The following GRID1 variants were observed in gnomAD, a reference collection of about 807,000 sequenced individuals.
GRID1 encodes the protein glutamate receptor ionotropic, delta-1.
A neutral mutation model predicts 98.0 loss-of-function variants in GRID1; 28 were observed. That is an observed-to-expected ratio of 0.29 (90% CI 0.21 to 0.39). The LOEUF (loss-of-function observed/expected upper bound fraction) is 0.39, where lower values mean the gene tolerates loss of function less well. Ranked by LOEUF, GRID1 falls within the 10% of genes least tolerant of loss-of-function variation. The probability of loss-of-function intolerance (pLI) is 1.00; values close to 1 mark genes in which losing one functional copy is unlikely to be tolerated. For synonymous variants in GRID1, 553 were observed against 538.5 expected (o/e 1.03, Z -0.37); for missense variants, 1,111 against 1,340.5 (o/e 0.83, Z 2.67).
chr10:85,797,639 T>C (rs1194882905), intron 8 of GRID1, among the ~76,000 whole-genome samples: 3 of 145,082 alleles, frequency 2.1e-5, no homozygotes, highest in Admixed American at 1.4e-4. Flanking sequence ...TTAGTAGAGA[T>C]GGGGTTTCTC....
intron 4 of GRID1, among the ~76,000 whole-genome samples, chr10:86,063,917 C>A (rs1843683575): frequency 6.6e-6 from 1 of 152,138 alleles, no homozygotes; most frequent in African/African-American, 2.4e-5. Flanking sequence ...TGAAGAGTTG[C>A]AGCAGAGACC....
chr10:85,602,284 T>C lies in GRID1; in HGVS notation c.3019A>G (p.Thr1007Ala). ...LPEALDTSHG[T>A]SI ...GGCAGGCGGCGCAGTCAGATGGAGG[T>C]CCCGTGGGAGGTGTCCAGAGCCTCT... is the stretch of plus-strand genomic sequence containing the variant. The change falls in exon 16 of 16, where the codon ACC becomes GCC. Residue 1007 changes from threonine (T) to alanine (A), a missense_variant. Thr to Ala is a moderately conservative substitution (Grantham distance 58, BLOSUM62 0). This residue lies in a region of GRID1 where 762 missense variants were observed against 869.1 expected (regional missense o/e 0.88). Transcript: ENST00000327946. 1 of 1,512,318 alleles carries C rather than the reference T, an allele frequency of 6.6e-7. No individual in the cohort carries two copies. Among genetic ancestry groups the C allele is most frequent in the African/African-American group, 1.4e-5 (1 of 71,720 alleles). The allele number at this position is 1,512,318 out of a possible 1,614,324, so 93.7% of individuals were successfully genotyped here.
rs534892822 is a variant in GRID1 at position 85,666,786 on chromosome 10, G to A, written c.1998-19389C>T. Among the ~76,000 whole-genome samples, 4 of 152,174 alleles carry A rather than the reference G, an allele frequency of 2.6e-5. No homozygotes were observed. The South Asian group carries it at 8.3e-4, about 32-fold the overall frequency. On this transcript the variant is annotated intron_variant, in intron 12 of 15. Coordinates refer to ENST00000327946, the MANE Select transcript of GRID1 (RefSeq NM_017551.3). ...TCTAACACTTACGTAGTCTCAACTG[G>A]ACCTTGTTCTGCCTACCCAAGCTGG...
chr10:85,837,374 C>G (rs1842920086), intron 8 of GRID1, among the ~76,000 whole-genome samples: 1 of 152,154 alleles, frequency 6.6e-6, no homozygotes, highest in Non-Finnish European at 1.5e-5. Context: ...TGGTGAATGC[C>G]CACAGTGAGG....
chr10:85,984,654 C>T (rs763421810), intron 4 of GRID1, among the ~76,000 whole-genome samples: 1 of 152,188 alleles, frequency 6.6e-6, no homozygotes, highest in Non-Finnish European at 1.5e-5. Context: ...CAGAGCAAAA[C>T]GGCCCTCAGA....
At chr10:86,134,718 G>T (rs964754525) in intron 4 of GRID1, among the ~76,000 whole-genome samples, 1 of 152,094 alleles carries the variant, frequency 6.6e-6, no homozygotes, top group Non-Finnish European at 1.5e-5. Flanking sequence ...CCTCTCTCCA[G>T]CCCTTCCTTG....
intron 2 of GRID1, among the ~76,000 whole-genome samples, chr10:86,261,569 C>T (rs1203424139): frequency 6.6e-6 from 1 of 152,222 alleles, no homozygotes. Flanking sequence ...TGCCCCAAGC[C>T]AGGGGCGTTT....
At chr10:85,935,696 A>G (rs568509166) in intron 4 of GRID1, among the ~76,000 whole-genome samples, 1 of 152,210 alleles carries the variant, frequency 6.6e-6, no homozygotes, top group East Asian at 1.9e-4. Flanking sequence ...AGTATGCTTC[A>G]TATGTCAATT....
chr10:86,166,244 C>T (rs1368120338), intron 3 of GRID1, among the ~76,000 whole-genome samples: 1 of 152,070 alleles, frequency 6.6e-6, no homozygotes, highest in Non-Finnish European at 1.5e-5. Flanking sequence ...GGTATATCTA[C>T]GATCAGAGTG....
chr10:85,937,621 G>C (rs1841944360), intron 4 of GRID1, among the ~76,000 whole-genome samples: 1 of 152,196 alleles, frequency 6.6e-6, no homozygotes, highest in African/African-American at 2.4e-5. Flanking sequence ...TAGGAGCTGA[G>C]TTTGATTCAT....
chr10:86,291,045 G>A (rs1589438800), intron 2 of GRID1, among the ~76,000 whole-genome samples: 1 of 152,192 alleles, frequency 6.6e-6, no homozygotes, highest in East Asian at 1.9e-4. Context: ...GAGCTTCCCA[G>A]GACCAGGACA....
chr10:86,107,519 G>C (rs907766633), intron 4 of GRID1, among the ~76,000 whole-genome samples: 1 of 152,214 alleles, frequency 6.6e-6, no homozygotes, highest in African/African-American at 2.4e-5. Flanking sequence ...GAAGGGAAGG[G>C]TGTGGTCCCT....
intron 4 of GRID1, among the ~76,000 whole-genome samples, chr10:85,969,471 G>C (rs963164172): frequency 6.6e-6 from 1 of 152,062 alleles, no homozygotes; most frequent in Non-Finnish European, 1.5e-5. Flanking sequence ...AAAGTAAAAG[G>C]ATTAAAATCA....
At chr10:86,041,550 C>T (rs987817165) in intron 4 of GRID1, among the ~76,000 whole-genome samples, 2 of 152,240 alleles carry the variant, frequency 1.3e-5, no homozygotes, top group Non-Finnish European at 2.9e-5. Flanking sequence ...AGGGGATGCA[C>T]CTGGAGCAGC....
intron 12 of GRID1, among the ~76,000 whole-genome samples, chr10:85,651,490 C>T (rs1843270942): frequency 1.3e-5 from 2 of 152,200 alleles, no homozygotes; most frequent in Non-Finnish European, 2.9e-5. Flanking sequence ...TGCAAATGCT[C>T]CCCCATCAGC....
intron 8 of GRID1, among the ~76,000 whole-genome samples, chr10:85,779,476 A>G (rs1199423008): frequency 6.6e-6 from 1 of 152,066 alleles, no homozygotes; most frequent in Admixed American, 6.5e-5. Context: ...CCCAGCAGAC[A>G]TCACCACTCC....
intron 13 of GRID1, among the ~76,000 whole-genome samples, chr10:85,632,689 A>C: frequency 6.6e-6 from 1 of 152,144 alleles, no homozygotes; most frequent in African/African-American, 2.4e-5. Context: ...GACTACAGAC[A>C]TGTGCCACCA....
At chr10:86,202,007 C>T (rs1845960514) in intron 3 of GRID1, among the ~76,000 whole-genome samples, 1 of 152,176 alleles carries the variant, frequency 6.6e-6, no homozygotes, top group Non-Finnish European at 1.5e-5. Flanking sequence ...TAAACATATA[C>T]ATCGTAACCA....
Position 85,797,238 on chromosome 10 carries a change from T to A in GRID1, c.1233+57258A>T, listed in dbSNP as rs1036339552. On this transcript the variant is annotated intron_variant, in intron 8 of 15. Transcript: ENST00000327946. ...CAAAATTTCAAATTTCCTTTTTTTT[T>A]AATTTCAACTTTTATTTTTAGATAT... is the stretch of plus-strand genomic sequence containing the variant. Among the ~76,000 whole-genome samples the A allele has an allele frequency of 1.4e-4, 22 of 152,236 alleles. No homozygotes were observed. The South Asian group carries it at 1.7e-3, about 11-fold the overall frequency.
Sources: allele counts gnomAD v4.1 joint callset (sites outside exome capture counted in the v4.1 genomes callset), GRCh38; gene constraint gnomAD v4.1.1; regional missense constraint gnomAD v4.1.1; transcripts MANE v1.5; gene names NCBI Gene and HGNC (gene_info 2026-07-23, HGNC 2026-07-21).